FXYD6: variants seen among roughly 807,000 people sequenced by gnomAD.
The protein encoded by FXYD6 is FXYD domain-containing ion transport regulator 6.
FXYD6 carries 7 observed loss-of-function variants against 16.7 expected under a neutral mutation model. The observed-to-expected ratio is 0.42, with a 90% CI of 0.24 to 0.79. FXYD6 has a LOEUF of 0.79. FXYD6 is among the 30% of genes least tolerant of loss of function. The pLI is 0.28. For synonymous variants in FXYD6, 49 were observed against 43.0 expected, an observed-to-expected ratio of 1.14 and a Z score of -0.54; for missense variants, 111 against 116.2, an observed-to-expected ratio of 0.95 and a Z score of 0.21.
intron 1 of FXYD6, chr11:117,868,878 A>C (rs1391100514): frequency 6.6e-6 from 1 of 152,232 alleles, no homozygotes; most frequent in African/African-American, 2.4e-5. Context: ...ACCCCATCCC[A>C]GCACTCCGGC....
chr11:117,872,943 G>A lies in FXYD6; in HGVS notation c.-6+3649C>T, dbSNP rs111638900. Among the ~76,000 whole-genome samples, 715 of 152,222 alleles carry A rather than the reference G, an allele frequency of 4.7e-3. 7 individuals carry two copies. Among genetic ancestry groups the A allele is most frequent in the African/African-American group, 0.017 (688 of 41,518 alleles). On this transcript the variant is annotated intron_variant, in intron 1 of 7. Coordinates refer to ENST00000526014, the MANE Select transcript of FXYD6 (RefSeq NM_022003.4). The surrounding 1 kb of genome is among the most constrained non-coding windows in gnomAD (Gnocchi z 4.9). ...GTTGCAACTCTCCAGCTGGCCAGGG[G>A]TTCTCCCTGCAGAAGATTTCATGGA...
chr11:117,860,265 G>A (rs929132751), intron 1 of FXYD6, among the ~76,000 whole-genome samples: 6 of 151,900 alleles, frequency 3.9e-5, no homozygotes, highest in Non-Finnish European at 7.4e-5. Context: ...AAAGAGCCAT[G>A]AGGGGCCACC....
At chr11:117,838,407 A>T in intron 7 of FXYD6, 130 bp from the exon 8 acceptor site, 2 of 673,636 alleles carry the variant, frequency 3.0e-6, no homozygotes, top group Non-Finnish European at 5.4e-6. Context: ...GACGCAGAGA[A>T]AGGAGACAAA....
At chr11:117,861,682 G>T (rs958398797) in intron 1 of FXYD6, among the ~76,000 whole-genome samples, 15 of 152,190 alleles carry the variant, frequency 9.9e-5, no homozygotes, top group African/African-American at 3.6e-4. Flanking sequence ...CAGGAAAATG[G>T]AAAGATAAAC....
chr11:117,850,051 C>G (rs554843746), intron 1 of FXYD6, among the ~76,000 whole-genome samples: 2 of 152,184 alleles, frequency 1.3e-5, no homozygotes, highest in South Asian at 4.1e-4. Context: ...ACCCTGACTA[C>G]GCTTGCTCAG....
In FXYD6 at chr11:117,870,611, A is replaced by G. The variant is rs1333605827; in HGVS notation, c.-6+5981T>C. On this transcript the variant is annotated intron_variant, in intron 1 of 7. Transcript: ENST00000526014. This position sits in a 1 kb window ranked among gnomAD's most constrained non-coding sequence, Gnocchi z 4.2. ...TTCAGCCTACAGGGCACTTTGCACA[A>G]TTTCATATTGTCTCCCTTTTAGGGG... Among the ~76,000 whole-genome samples the G allele has an allele frequency of 1.3e-5, 2 of 152,202 alleles. No homozygotes were observed. Among genetic ancestry groups the G allele is most frequent in the Non-Finnish European group, 2.9e-5 (2 of 68,036 alleles).
intron 2 of FXYD6, 100 bp downstream of exon 2, chr11:117,842,619 T>C: frequency 8.3e-7 from 1 of 1,211,432 alleles, no homozygotes; most frequent in East Asian, 2.6e-5. Context: ...AACGTGAGAG[T>C]CCCCCAGCCC....
intron 6 of FXYD6, 140 bp from the exon 7 acceptor site, chr11:117,839,970 G>T (rs2056301201): frequency 9.2e-7 from 1 of 1,089,128 alleles, no homozygotes; most frequent in Non-Finnish European, 1.4e-6. Flanking sequence ...AACGATCTGG[G>T]TTCAATCCTG....
At chr11:117,864,563 G>A (rs1396464583) in intron 1 of FXYD6, among the ~76,000 whole-genome samples, 2 of 151,646 alleles carry the variant, frequency 1.3e-5, no homozygotes, top group Non-Finnish European at 2.9e-5. Flanking sequence ...AAAGGCACAG[G>A]CAACAAAAGA....
At chr11:117,842,627 C>T in intron 2 of FXYD6, 92 bp downstream of exon 2, 1 of 1,306,586 alleles carries the variant, frequency 7.7e-7, no homozygotes, top group Non-Finnish European at 1.1e-6. Flanking sequence ...AGTCCCCCAG[C>T]CCTAATGTCC....
At position 117,870,921 on chromosome 11, in the gene FXYD6, A is replaced by G. The variant is rs140880780; in HGVS notation, c.-6+5671T>C. ...TGGCACTGAGCACAGCAGCTGCTCA[A>G]TAAATGTTGATGTGTGAATGAAAGG... is the stretch of plus-strand genomic sequence containing the variant. On this transcript the variant is annotated intron_variant, in intron 1 of 7. Coordinates refer to ENST00000526014, the MANE Select transcript of FXYD6 (RefSeq NM_022003.4). The surrounding 1 kb of genome is among the most constrained non-coding windows in gnomAD (Gnocchi z 4.2). Among the ~76,000 whole-genome samples, 806 of 152,330 alleles carry G rather than the reference A, an allele frequency of 5.3e-3. 4 individuals carry two copies. Among genetic ancestry groups the G allele is most frequent in the Admixed American group, 9.5e-3 (146 of 15,306 alleles).
Position 117,840,367 on chromosome 11 carries a change from C to A in FXYD6, c.211G>T (p.Ala71Ser), listed in dbSNP as rs2056310039. The change falls in exon 6 of 8, where the codon GCC becomes TCC. Residue 71 changes from alanine (A) to serine (S), a missense_variant and splice_region_variant. Physicochemically the swap from Ala to Ser is moderately conservative, Grantham distance 99. Transcript: ENST00000526014. ...ACCTGGGCTTCCTCATCTCCTGGGGCCCTGCAGGAGAAAGAGACACACAGC... is the reference window on the plus strand; with the variant it reads ...ACCTGGGCTTCCTCATCTCCTGGGGACCTGCAGGAGAAAGAGACACACAGC... ...CKCSFNQKPR[A>S]PGDEEAQVEN... 4 of 1,614,122 alleles carry A rather than the reference C, an allele frequency of 2.5e-6. No individual in the cohort carries two copies. The Admixed American group carries it at 6.7e-5, about 27-fold the overall frequency.
chr11:117,851,723 G>A (rs574835799), intron 1 of FXYD6, among the ~76,000 whole-genome samples: 17 of 152,146 alleles, frequency 1.1e-4, no homozygotes, highest in East Asian at 3.9e-4. Context: ...AGATCTGTTC[G>A]TTAGAAACTC....
intron 1 of FXYD6, among the ~76,000 whole-genome samples, chr11:117,869,413 C>T (rs1448831898): frequency 2.0e-5 from 3 of 152,312 alleles, no homozygotes; most frequent in Admixed American, 6.5e-5. Flanking sequence ...AGTAGCCCAA[C>T]GGCTCGAATG....
rs113182930 is a variant in FXYD6, at chr11:117,840,645, C to T, written c.210-277G>A. Among the ~76,000 whole-genome samples, 451 of 152,288 alleles carry T rather than the reference C, an allele frequency of 3.0e-3. 9 individuals carry two copies. Among genetic ancestry groups the T allele is most frequent in the African/African-American group, 0.01 (425 of 41,560 alleles). On this transcript the variant is annotated intron_variant, in intron 5 of 7. Coordinates refer to ENST00000526014, the MANE Select transcript of FXYD6 (RefSeq NM_022003.4). ...GGGGGCTTGGGTGTGTCCTGCCACA[C>T]GCTTTGGACTTCTGGGGTCCAAGCT...
intron 1 of FXYD6, among the ~76,000 whole-genome samples, chr11:117,875,539 G>A (rs1591602638): frequency 6.6e-6 from 1 of 152,128 alleles, no homozygotes; most frequent in South Asian, 2.1e-4. Context: ...AGTTGCGGAC[G>A]TAGACATACA....
chr11:117,841,667 C>T, intron 4 of FXYD6, 124 bp downstream of exon 4: 1 of 1,043,788 alleles, frequency 9.6e-7, no homozygotes, highest in South Asian at 1.3e-5. Flanking sequence ...GTGAAGATAA[C>T]ACGGAGGGCA....
At position 117,872,916 on chromosome 11, in the gene FXYD6, TC is replaced by T. The variant is rs2057170926; in HGVS notation, c.-6+3675del. 6.6e-6 allele frequency among the ~76,000 whole-genome samples: 1 copy of T among 152,102 alleles called. No individual in the cohort carries two copies. The highest frequency in any genetic ancestry group is 1.5e-5 in the Non-Finnish European group (1 of 68,014). On this transcript the variant is annotated intron_variant, in intron 1 of 7. Transcript: ENST00000526014. The surrounding 1 kb of genome is among the most constrained non-coding windows in gnomAD (Gnocchi z 4.9). ...GCACTGTGTTCCCGACCGGCCCCTC[TC>T]GTTGCAACTCTCCAGCTGGCCAGGG...
At position 117,853,903 on chromosome 11, in the gene FXYD6, C is replaced by T. The variant is rs1340821339; in HGVS notation, c.-5-11122G>A. On this transcript the variant is annotated intron_variant, in intron 1 of 7. Coordinates refer to ENST00000526014, the MANE Select transcript of FXYD6 (RefSeq NM_022003.4). The stretch of plus-strand genomic sequence containing the variant: ...ATTTTCATTCCTTCTTTAAACCAAG[C>T]TGTGTAATAGTAAACCTGGGATTAA... 2.0e-5 allele frequency among the ~76,000 whole-genome samples: 3 copies of T among 152,132 alleles called. No homozygotes were observed. The East Asian group carries it at 5.8e-4, about 29-fold the overall frequency.
Sources: allele counts gnomAD v4.1 joint callset (sites outside exome capture counted in the v4.1 genomes callset), GRCh38; gene constraint gnomAD v4.1.1; non-coding constraint Gnocchi (gnomAD v3.1); transcripts MANE v1.5; gene names NCBI Gene and HGNC (gene_info 2026-07-23, HGNC 2026-07-21).